Variants in ATP2C1 observed in about 807,000 individuals in gnomAD.
The protein encoded by ATP2C1 is ATPase secretory pathway Ca2+ transporting 1.
Under a neutral mutation model 120.5 loss-of-function variants are expected in ATP2C1, and 31 were observed. That is an observed-to-expected ratio of 0.26 (90% CI 0.19 to 0.35). ATP2C1 has a LOEUF of 0.35. Among genes scored for constraint, ATP2C1 ranks in the 10% least tolerant of loss-of-function variants. ATP2C1 has a pLI of 1.00. For synonymous variants in ATP2C1, 351 were observed against 358.7 expected (o/e 0.98, Z 0.24); for missense variants, 731 against 1,107.5 (o/e 0.66, Z 4.83).
intron 1 of ATP2C1, among the ~76,000 whole-genome samples, chr3:130,865,281 T>A (rs917491603): frequency 1.3e-5 from 2 of 152,212 alleles, no homozygotes; most frequent in African/African-American, 4.8e-5. Flanking sequence ...AATGGCCACA[T>A]TTACCCAATA....
intron 2 of ATP2C1, among the ~76,000 whole-genome samples, chr3:130,901,365 A>G (rs2057813375): frequency 6.6e-6 from 1 of 152,034 alleles, no homozygotes. Flanking sequence ...CCCCTAATTC[A>G]TATGAGGGGC....
chr3:130,894,553 C>A lies in ATP2C1; in HGVS notation c.-180-37C>A, dbSNP rs561217544. On this transcript the variant is annotated intron_variant, in intron 1 of 27. Coordinates refer to ENST00000510168, the MANE Select transcript of ATP2C1 (RefSeq NM_001378687.1). The surrounding 1 kb of genome is among the most constrained non-coding windows in gnomAD (Gnocchi z 4.5). ...CTGGGCGGGGAACTCCTTCCTCAGC[C>A]TCTCGTCAGCGCCGCTTCTCCTGGT... 1.4e-6 allele frequency: 2 copies of A among 1,415,604 alleles called. No individual in the cohort carries two copies. Among genetic ancestry groups the A allele is most frequent in the Non-Finnish European group, 1.8e-6 (2 of 1,085,498 alleles). The allele number at this position is 1,415,604 out of a possible 1,614,324, so 87.7% of individuals were successfully genotyped here.
intron 1 of ATP2C1, among the ~76,000 whole-genome samples, chr3:130,861,677 A>G (rs2068018908): frequency 6.6e-6 from 1 of 152,176 alleles, no homozygotes; most frequent in African/African-American, 2.4e-5. Flanking sequence ...TTATTTTACC[A>G]GCTATCTGAC....
At position 131,001,281 on chromosome 3, in the gene ATP2C1, G is replaced by T; in HGVS notation, c.2691G>T (p.Lys897Asn). 1 of 1,613,856 alleles carries T rather than the reference G, an allele frequency of 6.2e-7. No individual in the cohort carries two copies. Among genetic ancestry groups the T allele is most frequent in the Non-Finnish European group, 8.5e-7 (1 of 1,179,886 alleles). ...SVCIVAEIIK[K>N]VERSREKIQK... ...GCATAGTGGCAGAAATTATAAAGAA[G>T]GTTGAAAGGAGCAGGGAAAAGATCC... Residue 897 changes from lysine (K) to asparagine (N), a missense_variant, in exon 28 of 28, where the codon AAG becomes AAT. Around this residue, in one of 3 missense-constraint regions of ATP2C1, gnomAD observed 141 missense variants for 201.6 expected, o/e 0.70. Transcript: ENST00000510168.
Position 130,979,393 on chromosome 3 carries a change from A to T in ATP2C1, c.1715A>T (p.Asp572Val). ...GTATCAATAAAAATGATTACTGGAG[A>T]TTCACAGGAGACTGCAGTTGCAATC... ...SGVSIKMITG[D>V]SQETAVAIAS... The change falls in exon 19 of 28, where the codon GAT (aspartate) becomes GTT (valine). Residue 572 changes from aspartate (D) to valine (V), a missense_variant. This residue lies in a region of ATP2C1 where 571 missense variants were observed against 845.9 expected (regional missense o/e 0.67). Transcript: ENST00000510168. The T allele has an allele frequency of 6.2e-7, 1 of 1,613,536 alleles. No individual in the cohort carries two copies. The highest frequency in any genetic ancestry group is 2.2e-5 in the East Asian group (1 of 44,812).
intron 8 of ATP2C1, among the ~76,000 whole-genome samples, chr3:130,950,711 T>C (rs896379536): frequency 5.3e-5 from 8 of 152,110 alleles, no homozygotes; most frequent in African/African-American, 1.7e-4. Flanking sequence ...TATAATGATA[T>C]AGGAAAAAAT....
chr3:131,012,619 A>G (rs1040243639), intron 26 of ATP2C1, among the ~76,000 whole-genome samples: 4 of 152,068 alleles, frequency 2.6e-5, no homozygotes, highest in Admixed American at 6.6e-5. Context: ...TTTCTTCTCA[A>G]AAATAGATGT....
rs370539073 is a variant in ATP2C1, at chr3:130,967,367, A to G, written c.1256A>G (p.Asn419Ser). The G allele has an allele frequency of 6.8e-6, 11 of 1,613,676 alleles. No individual in the cohort carries two copies. Among genetic ancestry groups the G allele is most frequent in the African/African-American group, 6.7e-5 (5 of 74,890 alleles). ...CVCNDAVIRN[N>S]TLMGKPTEGA... is the part of the protein sequence containing the mutation. ...TGCAATGATGCTGTAATTAGAAACA[A>G]TACTCTAATGGGGAAGCCAACAGAA... Residue 419 changes from asparagine to serine, a missense_variant, in exon 16 of 28, where the codon AAT (asparagine) becomes AGT (serine). Physicochemically the swap from Asn to Ser is conservative, Grantham distance 46. Coordinates refer to ENST00000510168, the MANE Select transcript of ATP2C1 (RefSeq NM_001378687.1).
chr3:130,949,964 C>G (rs1051226264), intron 8 of ATP2C1, among the ~76,000 whole-genome samples: 1 of 152,088 alleles, frequency 6.6e-6, no homozygotes. Context: ...ATTCTAGACT[C>G]GAGAGGTGAT....
rs780369773 is a variant in ATP2C1 at position 130,955,028 on chromosome 3, C to T, written c.704C>T (p.Thr235Ile). The T allele has an allele frequency of 6.2e-7, 1 of 1,612,342 alleles. No homozygotes were observed. Among genetic ancestry groups the T allele is most frequent in the African/African-American group, 1.3e-5 (1 of 74,836 alleles). ...CGKAKGVVIG[T>I]GENSEFGEVF... ...TCCCCTTAGGGTGTTGTCATTGGAACAGGAGAAAATTCTGAATTTGGGGAG... is the reference window on the plus strand; with the variant it reads ...TCCCCTTAGGGTGTTGTCATTGGAATAGGAGAAAATTCTGAATTTGGGGAG... The change falls in exon 10 of 28, where the codon ACA becomes ATA. Residue 235 changes from threonine to isoleucine, a missense_variant. Physicochemically the swap from Thr to Ile is moderately conservative, Grantham distance 89 (BLOSUM62 -1). Around this residue, in one of 3 missense-constraint regions of ATP2C1, gnomAD observed 571 missense variants for 845.9 expected, o/e 0.67. Transcript: ENST00000510168.
In ATP2C1 at chr3:130,997,898, G is replaced by T. The variant is rs912956213; in HGVS notation, c.2391+145G>T. ...ATATAAGAACATTTTAAAAGAGTTTGATTTCCATCTTTATGGATAAATAAA... is the reference window on the plus strand; with the variant it reads ...ATATAAGAACATTTTAAAAGAGTTTTATTTCCATCTTTATGGATAAATAAA... On this transcript the variant is annotated intron_variant, in intron 25 of 27. Coordinates refer to ENST00000510168, the MANE Select transcript of ATP2C1 (RefSeq NM_001378687.1). 6 of 799,038 alleles carry T rather than the reference G, an allele frequency of 7.5e-6. No individual in the cohort carries two copies. The Admixed American group carries it at 9.8e-5, about 13-fold the overall frequency. 49.5% of individuals were successfully genotyped at this position (799,038 alleles called of 1,614,324 possible).
intron 2 of ATP2C1, among the ~76,000 whole-genome samples, chr3:130,902,874 C>A (rs1425623803): frequency 2.0e-5 from 3 of 151,874 alleles, no homozygotes; most frequent in African/African-American, 7.2e-5. Flanking sequence ...AGGGACAGGA[C>A]CACCGATATT....
exon 27 of ATP2C1, chr3:131,016,589 C>T: frequency 2.0e-6 from 1 of 509,074 alleles, no homozygotes; most frequent in Non-Finnish European, 3.5e-6. Context: ...AGATCTTTTC[C>T]ACTGGTCTAC....
At chr3:130,850,904 G>A (rs2067654934) in exon 1 of ATP2C1, 1 of 1,419,374 alleles carries the variant, frequency 7.0e-7, no homozygotes, top group Non-Finnish European at 9.2e-7. Flanking sequence ...TATCGACGCT[G>A]AGAAACCAAA....
At chr3:130,921,570 T>C (rs2058968272) in intron 2 of ATP2C1, among the ~76,000 whole-genome samples, 1 of 152,250 alleles carries the variant, frequency 6.6e-6, no homozygotes, top group African/African-American at 2.4e-5. Context: ...TGCTATTGAA[T>C]ATAATGTTGG....
At chr3:131,013,671 A>G (rs748100141) in intron 26 of ATP2C1, among the ~76,000 whole-genome samples, 4 of 152,230 alleles carry the variant, frequency 2.6e-5, no homozygotes, top group Admixed American at 2.6e-4. Context: ...CTAAAGTACA[A>G]AGAGGAAACT....
chr3:130,917,784 G>A (rs2058751272), intron 2 of ATP2C1, among the ~76,000 whole-genome samples: 1 of 152,122 alleles, frequency 6.6e-6, no homozygotes, highest in Non-Finnish European at 1.5e-5. Context: ...AACTTCATGA[G>A]CTTTGATTAG....
intron 16 of ATP2C1, among the ~76,000 whole-genome samples, chr3:130,968,289 A>G (rs2061144043): frequency 6.6e-6 from 1 of 152,212 alleles, no homozygotes; most frequent in Non-Finnish European, 1.5e-5. Context: ...TAAAGATATT[A>G]GTTTCTTTGA....
chr3:130,984,239 A>G (rs1486323227), intron 20 of ATP2C1, among the ~76,000 whole-genome samples: 3 of 152,108 alleles, frequency 2.0e-5, no homozygotes, highest in African/African-American at 7.2e-5. Context: ...TTCTTTGAAT[A>G]TTATTGAACC....
Sources: allele counts gnomAD v4.1 joint callset (sites outside exome capture counted in the v4.1 genomes callset), GRCh38; gene constraint gnomAD v4.1.1; regional missense constraint gnomAD v4.1.1; non-coding constraint Gnocchi (gnomAD v3.1); transcripts MANE v1.5; gene names NCBI Gene and HGNC (gene_info 2026-07-23, HGNC 2026-07-21).